The following MCC variants were observed in gnomAD, a reference collection of about 807,000 sequenced individuals.
The protein encoded by MCC is colorectal mutant cancer protein.
A neutral mutation model predicts 116.2 loss-of-function variants in MCC; 90 were observed. The ratio of observed to expected loss-of-function variants is 0.77; its 90% CI spans 0.65 to 0.92. The LOEUF (loss-of-function observed/expected upper bound fraction) is 0.92. Among genes scored for constraint, MCC ranks in the 40% least tolerant of loss-of-function variants. The pLI is 0.00. For synonymous variants in MCC, 578 were observed against 510.5 expected (o/e 1.13, Z -1.78); for missense variants, 1,516 against 1,312.2 (o/e 1.16, Z -2.40).
At chr5:113,433,959 G>C (rs754249824) in intron 1 of MCC, 25 of 1,613,900 alleles carry the variant, frequency 1.5e-5, no homozygotes, top group Non-Finnish European at 1.9e-5. Flanking sequence ...CAAGGGTTCA[G>C]TTCCCCGGGA....
intron 17 of MCC, among the ~76,000 whole-genome samples, chr5:113,036,308 G>A (rs1278226025): frequency 1.3e-5 from 2 of 152,078 alleles, no homozygotes; most frequent in Non-Finnish European, 2.9e-5. Context: ...AAAGTACTAG[G>A]ATTACAGGCG....
chr5:113,261,989 AC>A (rs1765235294), intron 3 of MCC, among the ~76,000 whole-genome samples: 3 of 152,176 alleles, frequency 2.0e-5, no homozygotes, highest in Non-Finnish European at 4.4e-5. Context: ...GTGTCTATCT[AC>A]CCCTCTGATA....
At chr5:113,050,384 C>T (rs184437881) in intron 15 of MCC, among the ~76,000 whole-genome samples, 9 of 152,296 alleles carry the variant, frequency 5.9e-5, no homozygotes. Context: ...TTCAGATTCT[C>T]ACAACCCCCG....
intron 14 of MCC, among the ~76,000 whole-genome samples, chr5:113,054,566 C>A (rs191437818): frequency 7.4e-4 from 112 of 152,270 alleles, no homozygotes; most frequent in Non-Finnish European, 3.4e-4. Flanking sequence ...GGAGCAGCAC[C>A]GAAGGGGGCT....
At chr5:113,315,852 C>T (rs538721298) in intron 3 of MCC, among the ~76,000 whole-genome samples, 8 of 151,404 alleles carry the variant, frequency 5.3e-5, no homozygotes, top group Non-Finnish European at 1.0e-4. Flanking sequence ...CGCTCCAGCC[C>T]GGGTGACAGA....
intron 14 of MCC, 152 bp downstream of exon 14, chr5:113,063,832 C>T: frequency 1.4e-6 from 1 of 722,936 alleles, no homozygotes; most frequent in Non-Finnish European, 2.2e-6. Context: ...TCTTCTGACT[C>T]CTTTTTGGAT....
rs1050615943 is a variant in MCC, at chr5:113,024,500, G to A, written c.*2802C>T. 3 of 152,190 alleles carry A rather than the reference G, an allele frequency of 2.0e-5. No homozygotes were observed. Among genetic ancestry groups the A allele is most frequent in the African/African-American group, 4.8e-5 (2 of 41,468 alleles). The allele number at this position is 152,190 out of a possible 1,614,324, so 9.4% of individuals were successfully genotyped here. ...TGTGAAATGGGTCCTTTGGCTCTGTGCCCATTTCTTCAAAAGCCAAAGACT... is the reference window on the plus strand; with the variant it reads ...TGTGAAATGGGTCCTTTGGCTCTGTACCCATTTCTTCAAAAGCCAAAGACT... On this transcript the variant is annotated 3_prime_UTR_variant, in exon 19 of 19. Transcript: ENST00000408903.
chr5:113,260,207 A>G (rs966968844), intron 3 of MCC, among the ~76,000 whole-genome samples: 25 of 152,182 alleles, frequency 1.6e-4, no homozygotes, highest in African/African-American at 6.0e-4. Flanking sequence ...TGTGGGTTAT[A>G]TCCACTGTTA....
At chr5:113,187,882 C>T (rs1015368747) in intron 3 of MCC, among the ~76,000 whole-genome samples, 6 of 152,144 alleles carry the variant, frequency 3.9e-5, no homozygotes, top group Admixed American at 6.5e-5. Flanking sequence ...ACAGAACCCA[C>T]GTTACAAACA....
chr5:113,451,721 A>T, intron 1 of MCC, among the ~76,000 whole-genome samples: 1 of 152,224 alleles, frequency 6.6e-6, no homozygotes, highest in East Asian at 1.9e-4. Flanking sequence ...TCTGTCTCAA[A>T]AAAAGAAGGA....
intron 16 of MCC, among the ~76,000 whole-genome samples, chr5:113,045,105 A>G (rs564673057): frequency 6.6e-6 from 1 of 152,278 alleles, no homozygotes; most frequent in Non-Finnish European, 1.5e-5. Context: ...GATTCCCACA[A>G]TACCCTCACT....
chr5:113,485,178 C>T (rs1772484483), intron 1 of MCC, among the ~76,000 whole-genome samples: 1 of 152,168 alleles, frequency 6.6e-6, no homozygotes, highest in Non-Finnish European at 1.5e-5. Flanking sequence ...CCCCTTACCT[C>T]CCTGACATTT....
chr5:113,346,752 A>G (rs1015413977), intron 2 of MCC, among the ~76,000 whole-genome samples: 4 of 152,190 alleles, frequency 2.6e-5, no homozygotes, highest in African/African-American at 9.7e-5. Flanking sequence ...ATTTAACCCA[A>G]AGAAGACTAC....
intron 8 of MCC, chr5:113,101,432 T>C (rs1290170950): frequency 6.2e-6 from 2 of 323,076 alleles, no homozygotes; most frequent in Non-Finnish European, 1.1e-5. Context: ...CTAAAGAACA[T>C]TTTAATTGAG....
chr5:113,481,344 G>C (rs1772372910), intron 1 of MCC, among the ~76,000 whole-genome samples: 1 of 152,076 alleles, frequency 6.6e-6, no homozygotes, highest in Non-Finnish European at 1.5e-5. Flanking sequence ...TGGCAACTTA[G>C]ATTTAATGAA....
At chr5:113,227,916 T>C (rs34893422) in intron 3 of MCC, among the ~76,000 whole-genome samples, 9,732 of 152,302 alleles carry the variant, frequency 0.064, 379 homozygotes, top group African/African-American at 0.085. Flanking sequence ...GTCAGTCTGA[T>C]CTTTCATTCT....
At chr5:113,048,311 A>G (rs1299304147) in intron 16 of MCC, among the ~76,000 whole-genome samples, 1 of 152,188 alleles carries the variant, frequency 6.6e-6, no homozygotes, top group Non-Finnish European at 1.5e-5. Flanking sequence ...AATAAACAGT[A>G]AGTTTTAAAT....
intron 3 of MCC, among the ~76,000 whole-genome samples, chr5:113,246,057 G>A (rs1469751911): frequency 6.6e-6 from 1 of 152,134 alleles, no homozygotes; most frequent in Non-Finnish European, 1.5e-5. Flanking sequence ...GAACAAAAAA[G>A]AATAAACTCT....
chr5:113,200,025 C>A (rs1288984971), intron 3 of MCC, among the ~76,000 whole-genome samples: 2 of 152,122 alleles, frequency 1.3e-5, no homozygotes, highest in Non-Finnish European at 2.9e-5. Flanking sequence ...TGGCTCCTAG[C>A]TGGGGAGAAA....
Sources: allele counts gnomAD v4.1 joint callset (sites outside exome capture counted in the v4.1 genomes callset), GRCh38; gene constraint gnomAD v4.1.1; transcripts MANE v1.5; gene names NCBI Gene and HGNC (gene_info 2026-07-23, HGNC 2026-07-21).